TENM2: variants seen among roughly 807,000 people sequenced by gnomAD.
The protein encoded by TENM2 is teneurin transmembrane protein 2, also known as teneurin-2.
Under a neutral mutation model 245.2 loss-of-function variants are expected in TENM2, and 52 were observed. The observed-to-expected ratio is 0.21, with a 90% CI of 0.17 to 0.27. The LOEUF (loss-of-function observed/expected upper bound fraction) is 0.27, where lower values mean the gene tolerates loss of function less well. Among genes scored for constraint, TENM2 ranks in the 10% least tolerant of loss-of-function variants. The probability of loss-of-function intolerance (pLI) is 1.00; values close to 1 mark genes in which losing one functional copy is unlikely to be tolerated. For synonymous variants in TENM2, 1,363 were observed against 1,438.9 expected (o/e 0.95, Z 1.19); for missense variants, 3,046 against 3,666.8 (o/e 0.83, Z 4.37).
chr5:168,211,164 A>T lies in TENM2; in HGVS notation c.3825-570A>T, dbSNP rs1031509226. ...GGGAAAGGAAGTGGTTCAGAGTCTC[A>T]GGGTTCAACAGCCTTTGCCCAACTG... On this transcript the variant is annotated intron_variant, in intron 19 of 28. Transcript: ENST00000518659. Among the ~76,000 whole-genome samples, 5 of 152,204 alleles carry T rather than the reference A, an allele frequency of 3.3e-5. 1 individual carries two copies. In the East Asian group the frequency reaches 9.6e-4, roughly 29 times the overall value.
intron 2 of TENM2, among the ~76,000 whole-genome samples, chr5:167,603,788 A>G (rs1776823961): frequency 6.6e-6 from 1 of 152,218 alleles, no homozygotes; most frequent in Non-Finnish European, 1.5e-5. Context: ...GACAGGAAGT[A>G]CCTGAATCTC....
At chr5:167,585,854 G>A (rs966766221) in intron 2 of TENM2, among the ~76,000 whole-genome samples, 12 of 152,148 alleles carry the variant, frequency 7.9e-5, no homozygotes, top group African/African-American at 1.9e-4. Flanking sequence ...GGCCAGGCAC[G>A]GTGGCTCACC....
chr5:167,532,352 C>T (rs1274126943), intron 2 of TENM2, among the ~76,000 whole-genome samples: 2 of 151,796 alleles, frequency 1.3e-5, no homozygotes, highest in African/African-American at 4.8e-5. Context: ...TTTCAAGTTG[C>T]TAATAAAGAC....
At chr5:167,543,167 A>G (rs764135207) in intron 2 of TENM2, among the ~76,000 whole-genome samples, 4 of 152,100 alleles carry the variant, frequency 2.6e-5, no homozygotes, top group Non-Finnish European at 4.4e-5. Context: ...TTCCGTTTAG[A>G]GAGCATCGGA....
intron 2 of TENM2, among the ~76,000 whole-genome samples, chr5:167,668,067 T>C (rs1235983755): frequency 6.6e-6 from 1 of 152,032 alleles, no homozygotes; most frequent in Admixed American, 6.5e-5. Flanking sequence ...CATAACAAAG[T>C]CCCCAACAAA....
At chr5:167,273,982 G>A in the TENM2 span, among the ~76,000 whole-genome samples, 1 of 151,976 alleles carries the variant, frequency 6.6e-6, no homozygotes, top group South Asian at 2.1e-4. Flanking sequence ...TATCCAATGG[G>A]CAATGACTAA....
chr5:167,445,340 G>GAGAGAT (rs1765126468), intron 2 of TENM2, among the ~76,000 whole-genome samples: 1 of 101,934 alleles, frequency 9.8e-6, no homozygotes, highest in Non-Finnish European at 2.1e-5. Flanking sequence ...TATATATAGA[G>GAGAGAT]AGAGAGAGAG....
chr5:167,632,400 T>C (rs1778932635), intron 2 of TENM2, among the ~76,000 whole-genome samples: 1 of 152,168 alleles, frequency 6.6e-6, no homozygotes, highest in African/African-American at 2.4e-5. Flanking sequence ...TACATATAAA[T>C]ATAATAAAAT....
At chr5:167,032,755 A>G in the TENM2 span, among the ~76,000 whole-genome samples, 9 of 152,110 alleles carry the variant, frequency 5.9e-5, no homozygotes, top group Non-Finnish European at 7.4e-5. Flanking sequence ...TGTGGTTACT[A>G]TATTCTTGTT....
At chr5:166,990,100 A>T in the TENM2 span, among the ~76,000 whole-genome samples, 3 of 152,156 alleles carry the variant, frequency 2.0e-5, no homozygotes, top group African/African-American at 7.2e-5. Context: ...TTCTGCTTAT[A>T]AATTAGTAAT....
At chr5:168,035,949 A>G (rs1041594041) in intron 5 of TENM2, among the ~76,000 whole-genome samples, 67 of 152,216 alleles carry the variant, frequency 4.4e-4, no homozygotes, top group South Asian at 2.1e-4. Context: ...TAGGAGATGC[A>G]TTGAGAAAGT....
chr5:168,082,767 A>G (rs1397015105), intron 7 of TENM2, among the ~76,000 whole-genome samples: 1 of 152,180 alleles, frequency 6.6e-6, no homozygotes, highest in African/African-American at 2.4e-5. Context: ...GCAGAACAGC[A>G]AATATTGAAG....
At chr5:167,369,581 C>T (rs574021064) in intron 1 of TENM2, among the ~76,000 whole-genome samples, 2 of 152,040 alleles carry the variant, frequency 1.3e-5, no homozygotes, top group South Asian at 2.1e-4. Flanking sequence ...GACGTTGATA[C>T]GGTAGTTGAT....
At chr5:167,863,166 A>G (rs1311990431) in intron 2 of TENM2, among the ~76,000 whole-genome samples, 1 of 152,202 alleles carries the variant, frequency 6.6e-6, no homozygotes, top group Non-Finnish European at 1.5e-5. Context: ...GCTAGATGGT[A>G]TTGTTGGAAG....
intron 27 of TENM2, among the ~76,000 whole-genome samples, chr5:168,252,610 G>A (rs551388494): frequency 9.2e-5 from 14 of 151,874 alleles, no homozygotes; most frequent in East Asian, 3.9e-4. Flanking sequence ...TTGGGAGGCC[G>A]AGGCGGGTGG....
chr5:167,843,749 TATA>T (rs140641738), intron 2 of TENM2, among the ~76,000 whole-genome samples: 8,048 of 152,256 alleles, frequency 0.053, 245 homozygotes, highest in Non-Finnish European at 0.054. Flanking sequence ...TTTCCATGAA[TATA>T]ATAATAATGA....
intron 1 of TENM2, among the ~76,000 whole-genome samples, chr5:167,350,561 G>T (rs1284303261): frequency 7.2e-6 from 1 of 138,620 alleles, no homozygotes; most frequent in Non-Finnish European, 1.5e-5. Context: ...CATATATATG[G>T]GATATATATA....
At chr5:167,697,535 T>C (rs1332398935) in intron 2 of TENM2, among the ~76,000 whole-genome samples, 1 of 150,702 alleles carries the variant, frequency 6.6e-6, no homozygotes, top group East Asian at 1.9e-4. Flanking sequence ...GAAAGAGTTA[T>C]CAATTTTTTT....
chr5:167,585,467 T>C (rs2127693237), intron 2 of TENM2, among the ~76,000 whole-genome samples: 1 of 152,314 alleles, frequency 6.6e-6, no homozygotes, highest in East Asian at 1.9e-4. Flanking sequence ...TGCTAGGAAC[T>C]GGAGAGTCAG....
Sources: allele counts gnomAD v4.1 joint callset (sites outside exome capture counted in the v4.1 genomes callset), GRCh38; gene constraint gnomAD v4.1.1; transcripts MANE v1.5; gene names NCBI Gene and HGNC (gene_info 2026-07-23, HGNC 2026-07-21).